The following KCNIP3 variants were observed in gnomAD, a reference collection of about 807,000 sequenced individuals.
KCNIP3 encodes potassium voltage-gated channel interacting protein 3.
KCNIP3 carries 28 observed loss-of-function variants against 35.0 expected under a neutral mutation model. The ratio of observed to expected loss-of-function variants is 0.80; its 90% confidence interval spans 0.59 to 1.10. The LOEUF (loss-of-function observed/expected upper bound fraction) is 1.10, where lower values mean the gene tolerates loss of function less well. Ranked by LOEUF, KCNIP3 falls within the 50% of genes least tolerant of loss-of-function variation. The pLI, the probability that KCNIP3 is intolerant of heterozygous loss-of-function variation, is 0.00. For synonymous variants in KCNIP3, 134 were observed against 133.8 expected, an observed-to-expected ratio of 1.00 and a Z score of -0.01; for missense variants, 295 against 338.4, an observed-to-expected ratio of 0.87 and a Z score of 1.01.
intron 2 of KCNIP3, among the ~76,000 whole-genome samples, chr2:95,364,038 G>A (rs1307307893): frequency 6.6e-6 from 1 of 152,108 alleles, no homozygotes; most frequent in African/African-American, 2.4e-5. Context: ...AAGAGCATTG[G>A]CAGGACATTG....
Position 95,310,498 on chromosome 2 carries a change from C to G in KCNIP3, c.159C>G (p.Ser53=), listed in dbSNP as rs1678284693. 6.2e-7 allele frequency: 1 copy of G among 1,613,028 alleles called. No individual in the cohort carries two copies. The highest frequency in any genetic ancestry group is 8.5e-7 in the Non-Finnish European group (1 of 1,179,858). Residue 53 remains serine (S), a synonymous_variant, in exon 2 of 9, where the codon TCC becomes TCG. Coordinates refer to ENST00000295225, the MANE Select transcript of KCNIP3 (RefSeq NM_013434.5). ...MRCCLVKWIL[S]STAPQGSDSS... ...GCTGCCTGGTCAAGTGGATCCTGTCCAGCACAGCCCCACAGGGCTCAGGTA... is the reference window on the plus strand; with the variant it reads ...GCTGCCTGGTCAAGTGGATCCTGTCGAGCACAGCCCCACAGGGCTCAGGTA...
At chr2:95,344,275 G>T (rs557847174) in intron 2 of KCNIP3, among the ~76,000 whole-genome samples, 58 of 85,116 alleles carry the variant, frequency 6.8e-4, no homozygotes, top group Non-Finnish European at 8.7e-4. Context: ...GTGGCGGGGT[G>T]GGGGGGGGCA....
At position 95,374,877 on chromosome 2, in the gene KCNIP3, C is replaced by T. The variant is rs766087512; in HGVS notation, c.336C>T (p.Asp112=). 3 of 1,613,982 alleles carry T rather than the reference C, an allele frequency of 1.9e-6. No homozygotes were observed. Among genetic ancestry groups the T allele is most frequent in the East Asian group, 4.5e-5 (2 of 44,864 alleles). Residue 112 remains aspartate, a synonymous_variant, in exon 4 of 9, where the codon GAC becomes GAT. Transcript: ENST00000295225. ...GTCCCACGGGCCTGGTGGACGAAGA[C>T]ACCTTCAAACTCATTTACGCGCAGT... ...NECPTGLVDE[D]TFKLIYAQFF...
At chr2:95,341,794 A>G (rs1167411055) in intron 2 of KCNIP3, among the ~76,000 whole-genome samples, 8 of 152,256 alleles carry the variant, frequency 5.3e-5, no homozygotes, top group African/African-American at 1.9e-4. Context: ...AAAAGGTGTC[A>G]TGTGAACCCT....
intron 1 of KCNIP3, 121 bp downstream of exon 1, chr2:95,297,574 C>A: frequency 1.2e-6 from 1 of 821,794 alleles, no homozygotes; most frequent in Non-Finnish European, 1.9e-6. Context: ...TCTTGTTCCA[C>A]TTTCCTTTGG....
chr2:95,339,883 C>G (rs1679150388), intron 2 of KCNIP3, among the ~76,000 whole-genome samples: 1 of 152,160 alleles, frequency 6.6e-6, no homozygotes, highest in African/African-American at 2.4e-5. Context: ...GGCTCTGTTC[C>G]ATGCAGCCAT....
At chr2:95,350,555 G>A (rs759626799) in intron 2 of KCNIP3, among the ~76,000 whole-genome samples, 4 of 152,178 alleles carry the variant, frequency 2.6e-5, no homozygotes, top group Non-Finnish European at 4.4e-5. Context: ...GCCAGGTCCT[G>A]TGAGAGCTAC....
chr2:95,306,595 A>C (rs1678174195), intron 1 of KCNIP3, among the ~76,000 whole-genome samples: 1 of 152,092 alleles, frequency 6.6e-6, no homozygotes, highest in Non-Finnish European at 1.5e-5. Flanking sequence ...TGAGGCCTTA[A>C]ACGCCTGGGG....
chr2:95,301,475 G>A (rs1042195083), intron 1 of KCNIP3, among the ~76,000 whole-genome samples: 4 of 152,232 alleles, frequency 2.6e-5, no homozygotes, highest in African/African-American at 9.6e-5. Context: ...CACACTGGCT[G>A]TGTGTCCTCT....
intron 2 of KCNIP3, among the ~76,000 whole-genome samples, chr2:95,319,455 G>A (rs1472187030): frequency 6.6e-6 from 1 of 152,242 alleles, no homozygotes; most frequent in Non-Finnish European, 1.5e-5. Context: ...AGTGGACCCT[G>A]GGCCGCTTCT....
At chr2:95,365,158 C>CTTT (rs75136882) in intron 2 of KCNIP3, among the ~76,000 whole-genome samples, 17 of 120,490 alleles carry the variant, frequency 1.4e-4, no homozygotes, top group Non-Finnish European at 1.9e-4. Context: ...GTCCTTATGT[C>CTTT]TTTTTTTTTT....
intron 2 of KCNIP3, among the ~76,000 whole-genome samples, chr2:95,322,400 G>T (rs1678617993): frequency 1.3e-5 from 2 of 152,130 alleles, no homozygotes; most frequent in South Asian, 4.2e-4. Flanking sequence ...ACTGTAGAGG[G>T]TTGTCAGAGG....
chr2:95,331,161 T>C (rs1300299685), intron 2 of KCNIP3, among the ~76,000 whole-genome samples: 1 of 151,882 alleles, frequency 6.6e-6, no homozygotes, highest in Non-Finnish European at 1.5e-5. Flanking sequence ...TGGCAGGGAT[T>C]TGTGGCTGTC....
At chr2:95,374,966 G>A (rs1489912031) in intron 4 of KCNIP3, 49 bp downstream of exon 4, 1 of 1,575,270 alleles carries the variant, frequency 6.3e-7, no homozygotes, top group Non-Finnish European at 8.7e-7. Context: ...TGGAGGGAGG[G>A]GACCCTCCTG....
At chr2:95,365,039 C>T (rs953823391) in intron 2 of KCNIP3, among the ~76,000 whole-genome samples, 5 of 151,992 alleles carry the variant, frequency 3.3e-5, no homozygotes, top group African/African-American at 1.2e-4. Flanking sequence ...GTGATTGCAC[C>T]ACTGCACTCC....
intron 2 of KCNIP3, among the ~76,000 whole-genome samples, chr2:95,350,862 G>T (rs948232287): frequency 2.0e-5 from 3 of 152,200 alleles, no homozygotes; most frequent in Admixed American, 2.0e-4. Flanking sequence ...TTTCTTGGGG[G>T]ACTCTCTGTC....
At chr2:95,352,945 C>T (rs1573507922) in intron 2 of KCNIP3, among the ~76,000 whole-genome samples, 1 of 152,248 alleles carries the variant, frequency 6.6e-6, no homozygotes, top group South Asian at 2.1e-4. Context: ...AGAGGGTGTG[C>T]AGCTGTCAGG....
chr2:95,318,692 A>G (rs1678517898), intron 2 of KCNIP3, among the ~76,000 whole-genome samples: 1 of 152,192 alleles, frequency 6.6e-6, no homozygotes. Flanking sequence ...GGTGCCCTGC[A>G]TGGGGGGACC....
rs1441241355 is a variant in KCNIP3 at position 95,384,375 on chromosome 2, C to A, written c.*326C>A. On this transcript the variant is annotated 3_prime_UTR_variant, in exon 9 of 9. Transcript: ENST00000295225. ...GCAGGCCACCAGCTGCTGGATGTCA[C>A]CAAGAAGGGGCTCGAGTGCCCCTGC... is the stretch of plus-strand genomic sequence containing the variant. The A allele has an allele frequency of 1.0e-5, 4 of 396,782 alleles. No individual in the cohort carries two copies. The highest frequency in any genetic ancestry group is 1.4e-5 in the Non-Finnish European group (3 of 217,420). The allele number at this position is 396,782 out of a possible 1,614,324, so 24.6% of individuals were successfully genotyped here. A position where few individuals can be genotyped will look rare whatever the true frequency, so the allele number is the denominator to read the frequency against.
Sources: gnomAD v4.1 joint callset for allele counts (sites outside exome capture counted in the v4.1 genomes callset) on GRCh38, gnomAD v4.1.1 for gene constraint, MANE v1.5 for transcripts, NCBI Gene and HGNC (gene_info 2026-07-23, HGNC 2026-07-21) for gene names.